The following MPRIP variants were observed in gnomAD, a reference collection of about 807,000 sequenced individuals.
The protein encoded by MPRIP is myosin phosphatase Rho interacting protein, also known as myosin phosphatase Rho-interacting protein.
Under a neutral mutation model 234.9 loss-of-function variants are expected in MPRIP, and 59 were observed. That is an observed-to-expected ratio of 0.25 (90% confidence interval 0.20 to 0.31). The LOEUF (loss-of-function observed/expected upper bound fraction) is 0.31. Ranked by LOEUF, MPRIP falls within the 10% of genes least tolerant of loss-of-function variation. The pLI is 1.00. For missense variants in MPRIP, 2,436 were observed against 3,071.0 expected, an observed-to-expected ratio of 0.79 and a Z score of 4.89; for synonymous variants, 1,144 against 1,263.9, an observed-to-expected ratio of 0.91 and a Z score of 2.01.
At chr17:17,103,000 G>C (rs1434280379) in intron 3 of MPRIP, among the ~76,000 whole-genome samples, 1 of 152,230 alleles carries the variant, frequency 6.6e-6, no homozygotes, top group African/African-American at 2.4e-5. Flanking sequence ...CATGTACTTT[G>C]ACACAAGTGT....
intron 1 of MPRIP, among the ~76,000 whole-genome samples, chr17:17,059,358 G>T: frequency 6.6e-6 from 1 of 152,312 alleles, no homozygotes; most frequent in African/African-American, 2.4e-5. Context: ...TATTAAAATG[G>T]TTTTGACTCA....
In MPRIP at chr17:17,189,944, ACTTG is replaced by A. The variant is rs1184764793; in HGVS notation, c.*5054_*5057del. The A allele has an allele frequency of 6.6e-6, 1 of 152,204 alleles. No homozygotes were observed. The highest frequency in any genetic ancestry group is 1.9e-4 in the East Asian group (1 of 5,200). 9.4% of individuals were successfully genotyped at this position (152,204 alleles called of 1,614,324 possible). ...GGACTTGGGAAGAAAGCTGCTGGGA[ACTTG>A]CTTATTAAAAAGTTCCTTAGAATTA... On this transcript the variant is annotated 3_prime_UTR_variant, in exon 24 of 24. Transcript: ENST00000651222.
chr17:17,136,093 G>A, intron 5 of MPRIP, 126 bp from the exon 6 acceptor site: 1 of 941,628 alleles, frequency 1.1e-6, no homozygotes, highest in South Asian at 1.5e-5. Context: ...AGTATCTGAA[G>A]ATTCCAGGCC....
At chr17:17,118,120 C>T (rs2090319973) in intron 3 of MPRIP, among the ~76,000 whole-genome samples, 1 of 152,234 alleles carries the variant, frequency 6.6e-6, no homozygotes, top group African/African-American at 2.4e-5. Context: ...GCCTAGGTAG[C>T]CCTGGCTGGC....
intron 9 of MPRIP, among the ~76,000 whole-genome samples, chr17:17,144,186 G>T (rs1597455714): frequency 2.0e-5 from 3 of 152,204 alleles, no homozygotes; most frequent in Admixed American, 2.0e-4. Context: ...TGCTGACCCA[G>T]CTCCTACCCG....
At position 17,188,869 on chromosome 17, in the gene MPRIP, C is replaced by G. The variant is rs1365570229; in HGVS notation, c.*3975C>G. ...GTTGGCAGCCAGGTCCCTACACAAA[C>G]AAGTAATCCTGTTTGGCCTCCTAGG... On this transcript the variant is annotated 3_prime_UTR_variant, in exon 24 of 24. Transcript: ENST00000651222. 6.6e-6 allele frequency: 1 copy of G among 152,254 alleles called. No individual in the cohort carries two copies. The highest frequency in any genetic ancestry group is 2.4e-5 in the African/African-American group (1 of 41,462). The allele number at this position is 152,254 out of a possible 1,614,324, so 9.4% of individuals were successfully genotyped here. A position where few individuals can be genotyped will look rare whatever the true frequency, so the allele number is the denominator to read the frequency against.
chr17:17,160,787 G>C (rs1335757482), intron 14 of MPRIP, among the ~76,000 whole-genome samples: 2 of 152,204 alleles, frequency 1.3e-5, no homozygotes, highest in African/African-American at 4.8e-5. Flanking sequence ...GTAGAGCCTA[G>C]CCTGGCCTGT....
Position 17,192,426 on chromosome 17 carries a change from T to TGGGGGGG in MPRIP, c.*7532_*7533insGGGGGGG, listed in dbSNP as rs1157972241. 3 of 2,962 alleles carry TGGGGGGG rather than the reference T, an allele frequency of 1.0e-3. No individual in the cohort carries two copies. Among genetic ancestry groups the TGGGGGGG allele is most frequent in the South Asian group, 0.024 (1 of 42 alleles). 0.2% of individuals were successfully genotyped at this position (2,962 alleles called of 1,614,324 possible). A position where few individuals can be genotyped will look rare whatever the true frequency, so the allele number is the denominator to read the frequency against. On this transcript the variant is annotated 3_prime_UTR_variant, in exon 24 of 24. Coordinates refer to ENST00000651222, the MANE Select transcript of MPRIP (RefSeq NM_001364716.4). ...GACCAGCTGAGCTGCTGCTTTTTTT[T>TGGGGGGG]TGGGGGGGGGGGGGGGAGGGGCGTC...
intron 7 of MPRIP, among the ~76,000 whole-genome samples, chr17:17,140,876 G>A (rs2090800045): frequency 6.6e-6 from 1 of 152,178 alleles, no homozygotes; most frequent in South Asian, 2.1e-4. Context: ...AGTGCCCTGG[G>A]AACCCTGGAG....
intron 3 of MPRIP, among the ~76,000 whole-genome samples, chr17:17,088,886 G>A (rs2089651624): frequency 6.6e-6 from 1 of 152,226 alleles, no homozygotes; most frequent in African/African-American, 2.4e-5. Context: ...TCTTTATGGT[G>A]GGGAAAACTC....
rs976924102 is a variant in MPRIP, at chr17:17,172,629, C to T, written c.6473-69C>T. 5.5e-6 allele frequency: 7 copies of T among 1,266,624 alleles called. No homozygotes were observed. The South Asian group carries it at 6.1e-5, about 11-fold the overall frequency. 78.5% of individuals were successfully genotyped at this position (1,266,624 alleles called of 1,614,324 possible). Reference sequence around the variant, plus strand: ...AGGCGCCATCCCATTGTGTGGAGCTCCCCACCCCCACCCCTGTCAGCAGGA... The same window carrying T: ...AGGCGCCATCCCATTGTGTGGAGCTTCCCACCCCCACCCCTGTCAGCAGGA... On this transcript the variant is annotated intron_variant, in intron 17 of 23. Transcript: ENST00000651222.
chr17:17,075,621 G>A, intron 1 of MPRIP, 89 bp from the exon 2 acceptor site: 1 of 1,126,564 alleles, frequency 8.9e-7, no homozygotes, highest in Non-Finnish European at 1.3e-6. Flanking sequence ...GGCAACATCT[G>A]TTTCCAGCGA....
chr17:17,171,121 A>C (rs935308760), intron 16 of MPRIP: 1 of 152,388 alleles, frequency 6.6e-6, no homozygotes, highest in African/African-American at 2.4e-5. Context: ...GGAGGTTGTC[A>C]GCTGGCTAGT....
chr17:17,044,346 C>T lies in MPRIP; in HGVS notation c.123+1375C>T, dbSNP rs533063322. ...GCTTTTTTGGATGAAACAGTTTATG[C>T]GATGAGGAGTTGTTAGGAGACTTTG... On this transcript the variant is annotated intron_variant, in intron 1 of 23. Transcript: ENST00000651222. 6.6e-5 allele frequency among the ~76,000 whole-genome samples: 10 copies of T among 152,258 alleles called. No individual in the cohort carries two copies. The South Asian group carries it at 1.7e-3, about 25-fold the overall frequency.
intron 3 of MPRIP, among the ~76,000 whole-genome samples, chr17:17,123,944 A>G (rs1254561679): frequency 2.0e-5 from 3 of 152,206 alleles, no homozygotes; most frequent in African/African-American, 4.8e-5. Flanking sequence ...TGAAGAGGGC[A>G]TAAAAGGGAG....
rs776402711 is a variant in MPRIP, at chr17:17,105,497, AGAGGT to A, written c.268-21199_268-21195del. ...TGTTCTCGCCCCCTAAGAAGGAGGT[AGAGGT>A]GAGGTCCCTGTTCACCTTGTCTTGG... On this transcript the variant is annotated intron_variant, in intron 3 of 23. Transcript: ENST00000651222. Among the ~76,000 whole-genome samples the A allele has an allele frequency of 9.9e-4, 151 of 152,288 alleles. No individual in the cohort carries two copies. In the Middle Eastern group the frequency reaches 0.01, roughly 10 times the overall value.
At chr17:17,159,715 A>T (rs2045820360) in intron 14 of MPRIP, among the ~76,000 whole-genome samples, 1 of 152,228 alleles carries the variant, frequency 6.6e-6, no homozygotes. Context: ...GGAGTCTCGT[A>T]GCTGGGGAGG....
chr17:17,046,112 A>G (rs1421303767), intron 1 of MPRIP, among the ~76,000 whole-genome samples: 1 of 152,170 alleles, frequency 6.6e-6, no homozygotes. Context: ...GCTCAAATAT[A>G]CAGTTAAACC....
chr17:17,074,072 C>T (rs545033663), intron 1 of MPRIP, among the ~76,000 whole-genome samples: 25 of 152,302 alleles, frequency 1.6e-4, no homozygotes, highest in African/African-American at 4.3e-4. Flanking sequence ...GCCTCTGGCA[C>T]GTGGCCTGCC....
Sources: allele counts gnomAD v4.1 joint callset (sites outside exome capture counted in the v4.1 genomes callset), GRCh38; gene constraint gnomAD v4.1.1; transcripts MANE v1.5; gene names NCBI Gene and HGNC (gene_info 2026-07-23, HGNC 2026-07-21).